TMEFF2: variants seen among roughly 807,000 people sequenced by gnomAD.
TMEFF2 encodes transmembrane protein with EGF like and two follistatin like domains 2, also known as tomoregulin-2.
A neutral mutation model predicts 53.8 loss-of-function variants in TMEFF2; 28 were observed. The observed-to-expected ratio is 0.52, with a 90% CI of 0.39 to 0.71. The LOEUF (loss-of-function observed/expected upper bound fraction) is 0.71. Ranked by LOEUF, TMEFF2 falls within the 30% of genes least tolerant of loss-of-function variation. The probability of loss-of-function intolerance (pLI) is 0.00; values close to 1 mark genes in which losing one functional copy is unlikely to be tolerated. For missense variants in TMEFF2, 353 were observed against 455.2 expected, an observed-to-expected ratio of 0.78 and a Z score of 2.04; for synonymous variants, 162 against 166.3, an observed-to-expected ratio of 0.97 and a Z score of 0.20.
rs146981387 is a variant in TMEFF2, at chr2:192,055,540, C to T, written c.536+2139G>A. On this transcript the variant is annotated intron_variant, in intron 5 of 9. Coordinates refer to ENST00000272771, the MANE Select transcript of TMEFF2 (RefSeq NM_016192.4). ...CTGTAATTCCAGCACTTTGGGAGGC[C>T]GAGGCGGGCAAATCACCTGAGGTGA... is the stretch of plus-strand genomic sequence containing the variant. 3.9e-3 allele frequency among the ~76,000 whole-genome samples: 586 copies of T among 151,888 alleles called. 4 individuals carry two copies. The highest frequency in any genetic ancestry group is 0.013 in the African/African-American group (556 of 41,448).
chr2:192,176,444 G>A (rs892516231), intron 4 of TMEFF2, among the ~76,000 whole-genome samples: 2 of 151,340 alleles, frequency 1.3e-5, no homozygotes, highest in Non-Finnish European at 3.0e-5. Context: ...TACAGTCAGC[G>A]AAATGCGACA....
intron 4 of TMEFF2, among the ~76,000 whole-genome samples, chr2:192,170,059 A>G (rs1030918919): frequency 5.3e-5 from 8 of 152,090 alleles, no homozygotes; most frequent in Admixed American, 2.6e-4. Flanking sequence ...AATAACAGCT[A>G]TTTTAAAGAT....
At chr2:192,107,696 G>T (rs1340750745) in intron 4 of TMEFF2, among the ~76,000 whole-genome samples, 2 of 151,636 alleles carry the variant, frequency 1.3e-5, no homozygotes, top group African/African-American at 4.8e-5. Flanking sequence ...ATAAGACACT[G>T]AAGTCTTTGT....
chr2:191,993,865 A>ATGTT (rs561564047), intron 7 of TMEFF2, among the ~76,000 whole-genome samples: 4 of 152,184 alleles, frequency 2.6e-5, no homozygotes, highest in African/African-American at 9.6e-5. Context: ...TATTCATTTT[A>ATGTT]TGTTTTTCAC....
intron 4 of TMEFF2, among the ~76,000 whole-genome samples, chr2:192,125,847 G>A (rs1436671407): frequency 6.6e-6 from 1 of 152,162 alleles, no homozygotes; most frequent in Non-Finnish European, 1.5e-5. Context: ...CACATGTTGG[G>A]AAACAAGACA....
chr2:192,045,152 A>T (rs142094656), intron 5 of TMEFF2, among the ~76,000 whole-genome samples: 79 of 152,332 alleles, frequency 5.2e-4, no homozygotes, highest in African/African-American at 1.8e-3. Context: ...ATTCTGCATG[A>T]TATACAGCTA....
At chr2:191,977,574 T>C (rs1319612078) in intron 7 of TMEFF2, among the ~76,000 whole-genome samples, 1 of 152,204 alleles carries the variant, frequency 6.6e-6, no homozygotes. Flanking sequence ...CCATGGTGTG[T>C]CTGTTGCTAA....
At chr2:191,958,828 C>A (rs1692182969) in intron 7 of TMEFF2, among the ~76,000 whole-genome samples, 1 of 151,960 alleles carries the variant, frequency 6.6e-6, no homozygotes, top group Non-Finnish European at 1.5e-5. Flanking sequence ...GATCTCTGGG[C>A]AAGAAAATGA....
At chr2:192,010,824 A>T (rs879008787) in intron 5 of TMEFF2, among the ~76,000 whole-genome samples, 1 of 152,196 alleles carries the variant, frequency 6.6e-6, no homozygotes, top group Non-Finnish European at 1.5e-5. Flanking sequence ...TTCACGGAGG[A>T]TGTGATGCTT....
intron 4 of TMEFF2, among the ~76,000 whole-genome samples, chr2:192,116,945 TCTTA>T (rs1559133462): frequency 2.0e-5 from 1 of 50,018 alleles, no homozygotes; most frequent in Non-Finnish European, 4.6e-5. Flanking sequence ...AACAATGACA[TCTTA>T]TTTATATAGC....
In TMEFF2 at chr2:192,184,465, G is replaced by A; in HGVS notation, c.301C>T (p.Pro101Ser). ...CQFKCNNDYVPVCGSNGESYQ... is the reference protein window; with the variant it reads ...CQFKCNNDYVSVCGSNGESYQ... ...CTCTCCCCATTGGAGCCACACACAG[G>A]CACATAGTCATTGTTGCACTGGGAA... is the stretch of plus-strand genomic sequence containing the variant. The change falls in exon 3 of 10, where the codon CCT becomes TCT. Residue 101 changes from proline (P) to serine (S), a missense_variant. Around this residue, in one of 3 missense-constraint regions of TMEFF2, gnomAD observed 294 missense variants for 397.3 expected, o/e 0.74. Transcript: ENST00000272771. 1 of 1,613,186 alleles carries A rather than the reference G, an allele frequency of 6.2e-7. No individual in the cohort carries two copies. Among genetic ancestry groups the A allele is most frequent in the Non-Finnish European group, 8.5e-7 (1 of 1,179,424 alleles).
At chr2:191,951,914 GA>G (rs1667427384) in intron 9 of TMEFF2, among the ~76,000 whole-genome samples, 1 of 152,100 alleles carries the variant, frequency 6.6e-6, no homozygotes, top group Non-Finnish European at 1.5e-5. Flanking sequence ...ATGTGCCTTG[GA>G]AAAATAGCTT....
intron 7 of TMEFF2, among the ~76,000 whole-genome samples, chr2:191,967,488 C>T (rs536126532): frequency 1.3e-5 from 2 of 152,168 alleles, no homozygotes; most frequent in South Asian, 2.1e-4. Context: ...GACCTCCTTC[C>T]CTTGTGAAAA....
At chr2:192,056,424 GAGC>G (rs1346479592) in intron 5 of TMEFF2, among the ~76,000 whole-genome samples, 2 of 151,902 alleles carry the variant, frequency 1.3e-5, no homozygotes, top group East Asian at 3.9e-4. Flanking sequence ...AGGAGGGGAG[GAGC>G]AGAAGAGAGA....
intron 5 of TMEFF2, among the ~76,000 whole-genome samples, chr2:192,011,580 A>G (rs1574289440): frequency 6.6e-6 from 1 of 152,254 alleles, no homozygotes; most frequent in African/African-American, 2.4e-5. Flanking sequence ...CAATAATAGT[A>G]AGTGGATGCT....
chr2:192,178,524 G>GT (rs1691107043), intron 4 of TMEFF2: 1 of 150,346 alleles, frequency 6.7e-6, no homozygotes, highest in South Asian at 2.1e-4. Context: ...TAGTCTTTAG[G>GT]AAAAAAATTG....
chr2:192,145,461 C>A (rs1372482565), intron 4 of TMEFF2, among the ~76,000 whole-genome samples: 1 of 151,678 alleles, frequency 6.6e-6, no homozygotes, highest in African/African-American at 2.4e-5. Flanking sequence ...AATTCCTTGG[C>A]AGTAGCAAGG....
At chr2:192,162,436 A>T (rs961880263) in intron 4 of TMEFF2, among the ~76,000 whole-genome samples, 1 of 152,116 alleles carries the variant, frequency 6.6e-6, no homozygotes, top group Non-Finnish European at 1.5e-5. Context: ...AGCCACTTAA[A>T]CTCGTACCAT....
At chr2:192,123,375 T>C (rs748042176) in intron 4 of TMEFF2, among the ~76,000 whole-genome samples, 1 of 152,186 alleles carries the variant, frequency 6.6e-6, no homozygotes, top group Non-Finnish European at 1.5e-5. Flanking sequence ...GTAATCGATC[T>C]AGATTACAAA....
Sources: allele counts gnomAD v4.1 joint callset (sites outside exome capture counted in the v4.1 genomes callset), GRCh38; gene constraint gnomAD v4.1.1; regional missense constraint gnomAD v4.1.1; transcripts MANE v1.5; gene names NCBI Gene and HGNC (gene_info 2026-07-23, HGNC 2026-07-21).